Variants in DMXL1 observed in about 807,000 individuals in gnomAD.
DMXL1 encodes the protein Dmx like 1, also known as dmX-like protein 1.
In DMXL1, 99 loss-of-function variants were observed where a neutral mutation model predicts 319.2. That is an observed-to-expected ratio of 0.31 (90% CI 0.26 to 0.37). The LOEUF (loss-of-function observed/expected upper bound fraction) is 0.37. Among genes scored for constraint, DMXL1 ranks in the 10% least tolerant of loss-of-function variants. The pLI is 1.00. For missense variants in DMXL1, 3,745 were observed against 3,595.6 expected (o/e 1.04, Z -1.06); for synonymous variants, 1,385 against 1,235.2 (o/e 1.12, Z -2.54).
intron 37 of DMXL1, among the ~76,000 whole-genome samples, chr5:119,221,567 ATT>A (rs748873767): frequency 1.3e-5 from 2 of 152,162 alleles, no homozygotes; most frequent in Non-Finnish European, 2.9e-5. Flanking sequence ...ACAGCCAGTC[ATT>A]TGTTTCCATT....
At chr5:119,233,303 G>T in intron 38 of DMXL1, 37 bp from the exon 39 acceptor site, 1 of 1,585,918 alleles carries the variant, frequency 6.3e-7, no homozygotes, top group South Asian at 1.2e-5. Context: ...AAAGATTCTT[G>T]AAATAAATCT....
At chr5:119,195,746 AT>A (rs1207287943) in intron 30 of DMXL1, among the ~76,000 whole-genome samples, 4 of 152,346 alleles carry the variant, frequency 2.6e-5, no homozygotes, top group African/African-American at 9.6e-5. Flanking sequence ...GTATTTTACC[AT>A]TAAAAAATTA....
At chr5:119,077,597 C>T (rs1417287532) in intron 1 of DMXL1, among the ~76,000 whole-genome samples, 3 of 139,318 alleles carry the variant, frequency 2.2e-5, no homozygotes, top group South Asian at 4.7e-4. Context: ...GATCCTCCCA[C>T]GTGGCTGGGA....
chr5:119,239,737 C>T (rs1788408056), intron 41 of DMXL1, among the ~76,000 whole-genome samples: 1 of 152,070 alleles, frequency 6.6e-6, no homozygotes, highest in African/African-American at 2.4e-5. Context: ...GGGCGGATCA[C>T]TTGAGGCCAG....
In DMXL1 at chr5:119,101,943, G is replaced by T; in HGVS notation, c.222G>T (p.Ala74=). The T allele has an allele frequency of 6.3e-7, 1 of 1,599,206 alleles. No homozygotes were observed. Among genetic ancestry groups the T allele is most frequent in the Non-Finnish European group, 8.5e-7 (1 of 1,172,882 alleles). ...TTTTTTCTTTTTAAAAGATTGCAGC[G>T]TCTTATGGAAATGTTATCTCCATTT... ...DCSMQQGKIA[A]SYGNVISIFE... The change falls in exon 3 of 44, where the codon GCG becomes GCT. Residue 74 remains alanine, a synonymous_variant. Coordinates refer to ENST00000539542, the MANE Select transcript of DMXL1 (RefSeq NM_001290321.3).
At chr5:119,224,835 A>T (rs1785246152) in intron 38 of DMXL1, 66 bp downstream of exon 38, 4 of 721,486 alleles carry the variant, frequency 5.5e-6, no homozygotes, top group South Asian at 8.9e-5. Context: ...TAATTTTATT[A>T]TAAGAAATGT....
At chr5:119,197,240 G>C (rs894347523) in intron 31 of DMXL1, among the ~76,000 whole-genome samples, 5 of 152,070 alleles carry the variant, frequency 3.3e-5, no homozygotes, top group African/African-American at 1.2e-4. Context: ...CCAATCTTTT[G>C]GCTTCCCTGG....
chr5:119,116,399 C>A, intron 7 of DMXL1, 63 bp downstream of exon 7: 2 of 1,525,474 alleles, frequency 1.3e-6, no homozygotes, highest in Non-Finnish European at 1.8e-6. Context: ...ACTTTGATTG[C>A]TTCTCTCACT....
intron 13 of DMXL1, among the ~76,000 whole-genome samples, chr5:119,141,885 C>T (rs1330608314): frequency 6.6e-6 from 1 of 152,090 alleles, no homozygotes; most frequent in Non-Finnish European, 1.5e-5. Flanking sequence ...ATACAGTAGC[C>T]AAAACAGCAT....
rs1449454510 is a variant in DMXL1, at chr5:119,150,180, T to A, written c.4353T>A (p.Leu1451=). The A allele has an allele frequency of 2.5e-6, 4 of 1,613,820 alleles. No individual in the cohort carries two copies. In the East Asian group the frequency reaches 8.9e-5, roughly 36 times the overall value. ...ESYDELFQTQ[L]LMTDTHMLET... ...ATGATGAGCTTTTTCAGACTCAACT[T>A]CTAATGACTGATACTCATATGTTAG... The change falls in exon 18 of 44, where the codon CTT becomes CTA. Residue 1451 remains leucine, a synonymous_variant. Coordinates refer to ENST00000539542, the MANE Select transcript of DMXL1 (RefSeq NM_001290321.3).
intron 41 of DMXL1, among the ~76,000 whole-genome samples, chr5:119,240,099 T>A (rs993977748): frequency 6.6e-6 from 1 of 151,922 alleles, no homozygotes; most frequent in African/African-American, 2.4e-5. Context: ...GGAGACTCCA[T>A]CTCTACAAAA....
At chr5:119,090,769 G>A (rs1211273806) in intron 1 of DMXL1, among the ~76,000 whole-genome samples, 1 of 151,762 alleles carries the variant, frequency 6.6e-6, no homozygotes, top group Non-Finnish European at 1.5e-5. Flanking sequence ...GTTTCACCAT[G>A]TTGGCCAGGG....
At chr5:119,177,567 A>G (rs1454965761) in intron 27 of DMXL1, 83 bp downstream of exon 27, 1 of 1,200,986 alleles carries the variant, frequency 8.3e-7, no homozygotes, top group African/African-American at 1.5e-5. Flanking sequence ...GTTTTGCCAC[A>G]TGATAATCAT....
intron 24 of DMXL1, 61 bp from the exon 25 acceptor site, chr5:119,171,717 T>G: frequency 7.4e-7 from 1 of 1,354,028 alleles, no homozygotes; most frequent in Non-Finnish European, 1.0e-6. Flanking sequence ...CTTGATTTAC[T>G]GAAGTAATGG....
chr5:119,172,071 A>G, intron 25 of DMXL1, 102 bp downstream of exon 25: 3 of 1,096,864 alleles, frequency 2.7e-6, no homozygotes, highest in South Asian at 3.7e-5. Context: ...CATCAGACTA[A>G]GCATAGCAAT....
chr5:119,221,010 C>T lies in DMXL1; in HGVS notation c.8206C>T (p.His2736Tyr), dbSNP rs563070444. Residue 2736 changes from histidine (H) to tyrosine (Y), a missense_variant, in exon 37 of 44, where the codon CAT becomes TAT. His to Tyr is a moderately conservative substitution (Grantham distance 83). This residue lies in a region of DMXL1 where 1,382 missense variants were observed against 1,269.5 expected (regional missense o/e 1.09). Transcript: ENST00000539542. ...TAVQGTTPYT[H>Y]SNPGTPINMP... ...TGTTCAAGGTACAACTCCATATACA[C>T]ATAGCAATCCTGGCACTCCAATCAA... 2.0e-5 allele frequency: 32 copies of T among 1,613,856 alleles called. No homozygotes were observed. In the African/African-American group the frequency reaches 4.3e-4, roughly 22 times the overall value.
chr5:119,105,693 C>G (rs1758181342), intron 4 of DMXL1, among the ~76,000 whole-genome samples: 1 of 151,968 alleles, frequency 6.6e-6, no homozygotes, highest in Admixed American at 6.6e-5. Flanking sequence ...GTTGGGAGTT[C>G]AAGACCCGCC....
rs146903136 is a variant in DMXL1 at position 119,226,625 on chromosome 5, C to T, written c.8338+1856C>T. 5.6e-3 allele frequency among the ~76,000 whole-genome samples: 858 copies of T among 152,238 alleles called. 10 individuals are homozygous for T. Among genetic ancestry groups the T allele is most frequent in the African/African-American group, 0.02 (824 of 41,532 alleles). On this transcript the variant is annotated intron_variant, in intron 38 of 43. Transcript: ENST00000539542. ...TAATTTGGTTTAATTATGACACAGTCTACCTGGAGTTAGAATCATATCCTA... is the reference window on the plus strand; with the variant it reads ...TAATTTGGTTTAATTATGACACAGTTTACCTGGAGTTAGAATCATATCCTA...
At chr5:119,080,154 C>T (rs1751869301) in intron 1 of DMXL1, among the ~76,000 whole-genome samples, 1 of 152,130 alleles carries the variant, frequency 6.6e-6, no homozygotes, top group Non-Finnish European at 1.5e-5. Context: ...CTAGGCCAGC[C>T]TGGCCAACAT....
Sources: gnomAD v4.1 joint callset for allele counts (sites outside exome capture counted in the v4.1 genomes callset) on GRCh38, gnomAD v4.1.1 for gene constraint, gnomAD v4.1.1 regional missense constraint, MANE v1.5 for transcripts, NCBI Gene and HGNC (gene_info 2026-07-23, HGNC 2026-07-21) for gene names.